Variants in AGBL1 observed in about 807,000 individuals in gnomAD.
The protein encoded by AGBL1 is cytosolic carboxypeptidase 4.
A neutral mutation model predicts 118.9 loss-of-function variants in AGBL1; 130 were observed. That is an observed-to-expected ratio of 1.09 (90% confidence interval 0.95 to 1.26). AGBL1 has a LOEUF of 1.26. Among genes scored for constraint, AGBL1 ranks in the 50% most tolerant of loss-of-function variants. AGBL1 has a pLI of 0.00. For synonymous variants in AGBL1, 555 were observed against 478.9 expected, an observed-to-expected ratio of 1.16 and a Z score of -2.08; for missense variants, 1,584 against 1,298.1, an observed-to-expected ratio of 1.22 and a Z score of -3.38.
At chr15:86,131,121 A>G (rs930978626) in intron 1 of AGBL1, among the ~76,000 whole-genome samples, 1 of 152,186 alleles carries the variant, frequency 6.6e-6, no homozygotes, top group Non-Finnish European at 1.5e-5. Flanking sequence ...GTCCTCTTAC[A>G]TGGAGACTTA....
intron 22 of AGBL1, among the ~76,000 whole-genome samples, chr15:86,898,657 A>G (rs907222308): frequency 6.6e-6 from 1 of 152,230 alleles, no homozygotes; most frequent in Non-Finnish European, 1.5e-5. Flanking sequence ...ATATTTGACA[A>G]TAGTCTAATA....
intron 22 of AGBL1, among the ~76,000 whole-genome samples, chr15:86,719,957 C>A (rs188413004): frequency 3.3e-5 from 5 of 152,174 alleles, no homozygotes; most frequent in Non-Finnish European, 5.9e-5. Context: ...GCTCCTTAGC[C>A]GATTTTTCCC....
chr15:87,013,745 A>G (rs2081584153), intron 24 of AGBL1, among the ~76,000 whole-genome samples: 1 of 152,132 alleles, frequency 6.6e-6, no homozygotes, highest in Non-Finnish European at 1.5e-5. Flanking sequence ...AGGGGAGAAT[A>G]TTGTCCTCAT....
intron 6 of AGBL1, among the ~76,000 whole-genome samples, chr15:86,239,685 C>G (rs533578547): frequency 6.6e-6 from 1 of 152,324 alleles, no homozygotes; most frequent in Non-Finnish European, 1.5e-5. Flanking sequence ...AAAACCAACT[C>G]TTACCACAAT....
chr15:86,240,888 T>C (rs1263231091), intron 6 of AGBL1, among the ~76,000 whole-genome samples: 1 of 152,170 alleles, frequency 6.6e-6, no homozygotes, highest in African/African-American at 2.4e-5. Context: ...ATATGTCTTA[T>C]CAAATGTAAA....
chr15:86,785,376 T>G (rs866242148), intron 22 of AGBL1, among the ~76,000 whole-genome samples: 47 of 142,084 alleles, frequency 3.3e-4, no homozygotes, highest in Middle Eastern at 7.4e-3. Context: ...TTTTTTTTTT[T>G]TTGTTTTTGT....
chr15:87,000,827 C>T (rs1283887828), intron 24 of AGBL1, among the ~76,000 whole-genome samples: 1 of 147,264 alleles, frequency 6.8e-6, no homozygotes, highest in Admixed American at 6.9e-5. Context: ...GCAGTATGGC[C>T]ACTTTCACGA....
At chr15:86,271,555 T>C in intron 14 of AGBL1, 64 bp from the exon 15 acceptor site, 2 of 1,235,968 alleles carry the variant, frequency 1.6e-6, no homozygotes. Context: ...TATGTGGGGG[T>C]CATTATTTGG....
At position 86,397,516 on chromosome 15, in the gene AGBL1, T is replaced by C; in HGVS notation, c.2525T>C (p.Met842Thr). 6.2e-7 allele frequency: 1 copy of C among 1,612,138 alleles called. No individual in the cohort carries two copies. The highest frequency in any genetic ancestry group is 1.3e-5 in the African/African-American group (1 of 74,954). ...AACTTCATCTTCAAGATCATACCCATGCTCAACCCAGATGGTGTCATCAAC... is the reference window on the plus strand; with the variant it reads ...AACTTCATCTTCAAGATCATACCCACGCTCAACCCAGATGGTGTCATCAAC... Reference protein sequence around the residue: ...RENFIFKIIPMLNPDGVINGN... With the variant: ...RENFIFKIIPTLNPDGVINGN... The change falls in exon 18 of 23, where the codon ATG (methionine) becomes ACG (threonine). Residue 842 changes from methionine to threonine, a missense_variant. By Grantham distance (81) the Met-to-Thr change is moderately conservative (BLOSUM62 -1). Coordinates refer to ENST00000614907, the MANE Select transcript of AGBL1 (RefSeq NM_001386094.1).
At chr15:86,259,549 T>C (rs2078950082) in intron 9 of AGBL1, among the ~76,000 whole-genome samples, 1 of 152,194 alleles carries the variant, frequency 6.6e-6, no homozygotes, top group African/African-American at 2.4e-5. Context: ...TGATAATCAC[T>C]CACCCTGCTG....
chr15:86,219,616 C>G lies in AGBL1; in HGVS notation c.489-5298C>G, dbSNP rs117581756. ...CAAAGATGCCTGTGACTTGCTTCTC[C>G]TTGAGTTCTTTGTCTTTGTCTCCAT... On this transcript the variant is annotated intron_variant, in intron 5 of 22. Transcript: ENST00000614907. Among the ~76,000 whole-genome samples the G allele has an allele frequency of 1.8e-3, 279 of 152,082 alleles. 2 individuals carry two copies. Among genetic ancestry groups the G allele is most frequent in the Middle Eastern group, 3.4e-3 (1 of 294 alleles).
At chr15:86,107,516 G>A (rs1897120522) in intron 1 of AGBL1, 1 of 152,214 alleles carries the variant, frequency 6.6e-6, no homozygotes, top group Non-Finnish European at 1.5e-5. Context: ...CATGCCCTAG[G>A]TGCTTGATGA....
chr15:86,257,135 T>C (rs547880284), intron 8 of AGBL1, 117 bp downstream of exon 8: 110 of 1,134,156 alleles, frequency 9.7e-5, no homozygotes, highest in Non-Finnish European at 1.3e-4. Flanking sequence ...TAATTGTCTA[T>C]TAAGCTAATT....
intron 23 of AGBL1, among the ~76,000 whole-genome samples, chr15:86,927,263 C>T (rs2080552218): frequency 6.6e-6 from 1 of 152,068 alleles, no homozygotes; most frequent in South Asian, 2.1e-4. Context: ...GTTCCTTATG[C>T]CTCAAAGTAG....
intron 18 of AGBL1, among the ~76,000 whole-genome samples, chr15:86,441,763 G>GAGTT (rs1244274441): frequency 6.6e-6 from 1 of 152,212 alleles, no homozygotes; most frequent in Admixed American, 6.5e-5. Context: ...AATAATAATG[G>GAGTT]AGTTGGCAGC....
chr15:86,476,319 C>T (rs2082558260), intron 18 of AGBL1, among the ~76,000 whole-genome samples: 1 of 152,150 alleles, frequency 6.6e-6, no homozygotes, highest in Non-Finnish European at 1.5e-5. Context: ...CATCAGTGTG[C>T]TGTATTCAGG....
intron 22 of AGBL1, among the ~76,000 whole-genome samples, chr15:86,759,594 A>G (rs780263149): frequency 6.6e-6 from 1 of 152,124 alleles, no homozygotes; most frequent in Non-Finnish European, 1.5e-5. Flanking sequence ...AAATCACACA[A>G]CTAGTTTCCC....
chr15:86,757,163 G>A lies in AGBL1; in HGVS notation c.3158+82727G>A, dbSNP rs192604110. The stretch of plus-strand genomic sequence containing the variant: ...AGTTTATTCATGATTAACATTAGAT[G>A]CTGACTTCTGAAGATACATAGAAAA... On this transcript the variant is annotated intron_variant, in intron 22 of 22. Coordinates refer to ENST00000614907, the MANE Select transcript of AGBL1 (RefSeq NM_001386094.1). 3.3e-5 allele frequency among the ~76,000 whole-genome samples: 5 copies of A among 152,160 alleles called. No homozygotes were observed. In the East Asian group the frequency reaches 9.7e-4, roughly 30 times the overall value.
chr15:86,161,157 G>A (rs1262856746), intron 5 of AGBL1, among the ~76,000 whole-genome samples: 13 of 152,168 alleles, frequency 8.5e-5, no homozygotes, highest in Admixed American at 8.5e-4. Context: ...GGGATTCCAG[G>A]CATATTTCTA....
Sources: gnomAD v4.1 joint callset for allele counts (sites outside exome capture counted in the v4.1 genomes callset) on GRCh38, gnomAD v4.1.1 for gene constraint, MANE v1.5 for transcripts, NCBI Gene and HGNC (gene_info 2026-07-23, HGNC 2026-07-21) for gene names.